WDR19: variants seen among roughly 807,000 people sequenced by gnomAD.
WDR19 encodes the protein WD repeat-containing protein 19.
WDR19 carries 121 observed loss-of-function variants against 180.0 expected under a neutral mutation model. That is an observed-to-expected ratio of 0.67 (90% CI 0.58 to 0.78). The LOEUF (loss-of-function observed/expected upper bound fraction) is 0.78. Ranked by LOEUF, WDR19 falls within the 30% of genes least tolerant of loss-of-function variation. WDR19 has a pLI of 0.00. For missense variants in WDR19, 1,450 were observed against 1,640.7 expected, an observed-to-expected ratio of 0.88 and a Z score of 2.01; for synonymous variants, 497 against 540.7, an observed-to-expected ratio of 0.92 and a Z score of 1.12.
chr4:39,234,769 A>C lies in WDR19; in HGVS notation c.2257A>C (p.Arg753=). ...AAGGTCTTTCTCTTCTTAACAGATGAGAAGGGATTTACAGCATTGGGACAG... is the reference window on the plus strand; with the variant it reads ...AAGGTCTTTCTCTTCTTAACAGATGCGAAGGGATTTACAGCATTGGGACAG... ...SSCPIAALEM[R]RDLQHWDSAL... is the part of the protein sequence containing the mutation. Residue 753 remains arginine, a synonymous_variant, in exon 20 of 37, where the codon AGA becomes CGA. Coordinates refer to ENST00000399820, the MANE Select transcript of WDR19 (RefSeq NM_025132.4). 1 of 1,572,390 alleles carries C rather than the reference A, an allele frequency of 6.4e-7. No homozygotes were observed. The highest frequency in any genetic ancestry group is 8.6e-7 in the Non-Finnish European group (1 of 1,156,980).
intron 7 of WDR19, among the ~76,000 whole-genome samples, 157 bp from the exon 8 acceptor site, chr4:39,204,997 A>G (rs1325289265): frequency 1.3e-5 from 2 of 152,224 alleles, no homozygotes; most frequent in Non-Finnish European, 2.9e-5. Context: ...ATATTAGTAA[A>G]TACATTTTTA....
intron 9 of WDR19, among the ~76,000 whole-genome samples, chr4:39,210,142 AAAGAG>A (rs1429127347): frequency 6.6e-6 from 1 of 152,232 alleles, no homozygotes; most frequent in African/African-American, 2.4e-5. Flanking sequence ...TCTAGAAAAT[AAAGAG>A]TAGAGAACAC....
chr4:39,223,434 G>A (rs1263370648), intron 14 of WDR19, among the ~76,000 whole-genome samples: 1 of 152,144 alleles, frequency 6.6e-6, no homozygotes. Flanking sequence ...GGGTTCAAGA[G>A]GTTCTTCTGC....
At chr4:39,271,219 C>T (rs565327641) in intron 31 of WDR19, among the ~76,000 whole-genome samples, 5 of 152,074 alleles carry the variant, frequency 3.3e-5, no homozygotes, top group South Asian at 4.2e-4. Flanking sequence ...TTTAAAAATT[C>T]GTCCTTTAAG....
chr4:39,284,408 C>T (rs1469305099), intron 36 of WDR19, among the ~76,000 whole-genome samples: 2 of 138,920 alleles, frequency 1.4e-5, no homozygotes, highest in South Asian at 2.2e-4. Flanking sequence ...CCACAATCAT[C>T]GTTCACTGCA....
chr4:39,190,294 G>C (rs1252328148), intron 4 of WDR19, among the ~76,000 whole-genome samples: 1 of 152,214 alleles, frequency 6.6e-6, no homozygotes, highest in Non-Finnish European at 1.5e-5. Context: ...AGTAGGCAGG[G>C]CCATGGATTG....
intron 13 of WDR19, 33 bp downstream of exon 13, chr4:39,217,273 T>A (rs1436949654): frequency 2.1e-6 from 3 of 1,459,644 alleles, no homozygotes. Flanking sequence ...GGAGACGCGC[T>A]AAGTTATAAT....
chr4:39,209,902 A>T (rs1728321433), intron 9 of WDR19, among the ~76,000 whole-genome samples: 1 of 152,194 alleles, frequency 6.6e-6, no homozygotes, highest in Admixed American at 6.5e-5. Context: ...ACAATTTTAC[A>T]CTCAAAATTT....
intron 31 of WDR19, among the ~76,000 whole-genome samples, chr4:39,270,433 T>C (rs1465441797): frequency 1.3e-5 from 2 of 152,198 alleles, no homozygotes; most frequent in East Asian, 3.8e-4. Flanking sequence ...TGGAGTGCAG[T>C]GGCACGTCCT....
chr4:39,284,397 G>A (rs1169034831), intron 36 of WDR19, among the ~76,000 whole-genome samples: 5 of 135,058 alleles, frequency 3.7e-5, no homozygotes, highest in Non-Finnish European at 7.6e-5. Context: ...GGGGTGCAGT[G>A]CCACAATCAT....
chr4:39,182,580 T>C lies in WDR19; in HGVS notation c.6+17T>C, dbSNP rs1725048732. 1 of 1,613,198 alleles carries C rather than the reference T, an allele frequency of 6.2e-7. No homozygotes were observed. Among genetic ancestry groups the C allele is most frequent in the African/African-American group, 1.3e-5 (1 of 74,854 alleles). ...GAGATGAAGGTAAATAACTTACAAA[T>C]TCCCGGGGTGGGGCGGGAAAACGCG... On this transcript the variant is annotated intron_variant, in intron 1 of 36. Transcript: ENST00000399820.
chr4:39,186,625 A>T (rs759354133), intron 3 of WDR19, 21 bp downstream of exon 3: 17 of 1,502,582 alleles, frequency 1.1e-5, no homozygotes, highest in African/African-American at 1.4e-5. Context: ...AAGTAGATTT[A>T]AAAAAACCTG....
chr4:39,252,468 C>G (rs73136745), intron 24 of WDR19, among the ~76,000 whole-genome samples: 51,274 of 151,112 alleles, frequency 0.34, 8,842 homozygotes, highest in African/African-American at 0.39. Context: ...GATAACAAAC[C>G]TGCACGTTGT....
intron 15 of WDR19, among the ~76,000 whole-genome samples, chr4:39,227,807 T>A (rs1730429224): frequency 6.6e-6 from 1 of 152,212 alleles, no homozygotes; most frequent in African/African-American, 2.4e-5. Context: ...ATCATGTGAG[T>A]TAATTTGTTT....
chr4:39,258,138 T>C (rs1253157019), intron 28 of WDR19, among the ~76,000 whole-genome samples: 4 of 151,266 alleles, frequency 2.6e-5, no homozygotes, highest in African/African-American at 9.7e-5. Flanking sequence ...GTTTGTGTTA[T>C]TGCACATAGC....
At chr4:39,211,921 T>C (rs1405626268) in intron 9 of WDR19, among the ~76,000 whole-genome samples, 3 of 142,198 alleles carry the variant, frequency 2.1e-5, no homozygotes, top group Admixed American at 1.4e-4. Flanking sequence ...TGTTCTAATA[T>C]AGACAGACAG....
At chr4:39,230,319 G>A (rs536923638) in intron 17 of WDR19, among the ~76,000 whole-genome samples, 18 of 152,170 alleles carry the variant, frequency 1.2e-4, no homozygotes, top group Non-Finnish European at 2.2e-4. Flanking sequence ...ACCCATCAGC[G>A]ATAAGTGGAG....
rs368949539 is a variant in WDR19 at position 39,280,141 on chromosome 4, T to TTTTA, written c.*13+1478_*13+1479insTTTA. ...CTTGTTTTTTTTTTTTTTTTTTTTT[T>TTTTA]AATAGAGGCAGGGTCTCGCCACATT... On this transcript the variant is annotated intron_variant, in intron 36 of 36. Coordinates refer to ENST00000399820, the MANE Select transcript of WDR19 (RefSeq NM_025132.4). 5.7e-5 allele frequency among the ~76,000 whole-genome samples: 5 copies of TTTTA among 88,348 alleles called. 1 individual carries two copies. The highest frequency in any genetic ancestry group is 3.6e-4 in the East Asian group (1 of 2,754). The allele number at this position is 88,348 out of a possible 152,430, so 58.0% of individuals were successfully genotyped here. A position where few individuals can be genotyped will look rare whatever the true frequency, so the allele number is the denominator to read the frequency against.
chr4:39,262,592 T>C (rs1450852178), intron 28 of WDR19, among the ~76,000 whole-genome samples: 2 of 152,068 alleles, frequency 1.3e-5, no homozygotes, highest in Non-Finnish European at 2.9e-5. Flanking sequence ...CCTTCGTTCC[T>C]TCACTCTTGC....
Sources: allele counts gnomAD v4.1 joint callset (sites outside exome capture counted in the v4.1 genomes callset), GRCh38; gene constraint gnomAD v4.1.1; transcripts MANE v1.5; gene names NCBI Gene and HGNC (gene_info 2026-07-23, HGNC 2026-07-21).